The following MCPH1 variants were observed in gnomAD, a reference collection of about 807,000 sequenced individuals.
MCPH1 encodes the protein microcephalin 1.
Under a neutral mutation model 84.5 loss-of-function variants are expected in MCPH1, and 104 were observed. The observed-to-expected ratio is 1.23, with a 90% CI of 1.05 to 1.45. MCPH1 has a LOEUF of 1.45. MCPH1 is among the 40% of genes most tolerant of loss of function. The pLI is 0.00. For synonymous variants in MCPH1, 514 were observed against 366.8 expected (o/e 1.40, Z -4.58); for missense variants, 1,498 against 1,005.7 (o/e 1.49, Z -6.62).
At chr8:6,607,369 T>C (rs1180715601) in intron 12 of MCPH1, among the ~76,000 whole-genome samples, 1 of 152,212 alleles carries the variant, frequency 6.6e-6, no homozygotes, top group Non-Finnish European at 1.5e-5. Flanking sequence ...AAGTACAAAA[T>C]ACCCAAGTTT....
At chr8:6,489,043 G>T (rs1288243526) in intron 11 of MCPH1, among the ~76,000 whole-genome samples, 1 of 152,178 alleles carries the variant, frequency 6.6e-6, no homozygotes, top group Non-Finnish European at 1.5e-5. Flanking sequence ...GGTGCCATTT[G>T]CAGAGTTAGG....
intron 3 of MCPH1, among the ~76,000 whole-genome samples, chr8:6,422,871 G>C (rs1585655996): frequency 6.6e-6 from 1 of 151,872 alleles, no homozygotes; most frequent in African/African-American, 2.4e-5. Flanking sequence ...TGTGGTTTTA[G>C]TAGAGACGGG....
At chr8:6,626,878 T>A in intron 13 of MCPH1, 1 of 985,070 alleles carries the variant, frequency 1.0e-6, no homozygotes. Context: ...CTCATAGGCG[T>A]ATTTCCACTC....
intron 12 of MCPH1, among the ~76,000 whole-genome samples, chr8:6,530,082 TA>T (rs1278344417): frequency 6.6e-6 from 1 of 152,166 alleles, no homozygotes; most frequent in Admixed American, 6.5e-5. Context: ...AGAAATGTTG[TA>T]GTTTAAAAAT....
intron 12 of MCPH1, chr8:6,620,022 A>G (rs1831245752): frequency 6.6e-6 from 1 of 152,206 alleles, no homozygotes; most frequent in African/African-American, 2.4e-5. Flanking sequence ...GTGACTCACC[A>G]TTTGCCAAAG....
chr8:6,477,728 C>T, intron 10 of MCPH1, 97 bp downstream of exon 10: 2 of 898,554 alleles, frequency 2.2e-6, no homozygotes, highest in South Asian at 1.4e-5. Context: ...GTCAATCTGT[C>T]CTGTATCACT....
chr8:6,500,117 AT>A (rs1334171618), intron 12 of MCPH1, 188 bp downstream of exon 12: 5 of 606,194 alleles, frequency 8.2e-6, no homozygotes, highest in Admixed American at 5.2e-5. Context: ...ACGTGAGACC[AT>A]TGTGCAAAAA....
chr8:6,634,451 G>GTGTA (rs1797392780), intron 13 of MCPH1, among the ~76,000 whole-genome samples: 2 of 152,132 alleles, frequency 1.3e-5, no homozygotes, highest in African/African-American at 4.8e-5. Flanking sequence ...ACAGCTGACG[G>GTGTA]GACAGCCCCT....
intron 11 of MCPH1, among the ~76,000 whole-genome samples, chr8:6,491,507 G>T (rs1810583177): frequency 6.6e-6 from 1 of 150,588 alleles, no homozygotes. Flanking sequence ...TAAGTTCTAG[G>T]GTACATGTGC....
intron 12 of MCPH1, among the ~76,000 whole-genome samples, chr8:6,590,787 C>A (rs375336132): frequency 6.6e-6 from 1 of 152,170 alleles, no homozygotes; most frequent in Admixed American, 6.5e-5. Flanking sequence ...ATGAGAAAAT[C>A]GAGGCTGCCT....
intron 12 of MCPH1, chr8:6,502,948 A>T: frequency 1.2e-6 from 1 of 809,294 alleles, no homozygotes. Flanking sequence ...GATAAAGTTT[A>T]CAGGCTCTAA....
At chr8:6,423,126 A>C (rs1800484831) in intron 3 of MCPH1, among the ~76,000 whole-genome samples, 1 of 151,058 alleles carries the variant, frequency 6.6e-6, no homozygotes, top group Non-Finnish European at 1.5e-5. Context: ...TGGCAAAAGC[A>C]CACTTTTAAG....
intron 13 of MCPH1, among the ~76,000 whole-genome samples, chr8:6,637,224 G>C (rs921094691): frequency 3.9e-5 from 6 of 152,202 alleles, no homozygotes; most frequent in South Asian, 2.1e-4. Flanking sequence ...ACATTTAAGA[G>C]AGAAGACAGG....
intron 13 of MCPH1, chr8:6,625,932 C>A (rs1381986340): frequency 1.0e-6 from 1 of 984,336 alleles, no homozygotes; most frequent in Admixed American, 6.2e-5. Flanking sequence ...AGTTTCTTTT[C>A]TTTTCCTTTC....
chr8:6,542,126 A>T (rs1379693826), intron 12 of MCPH1, among the ~76,000 whole-genome samples: 1 of 152,164 alleles, frequency 6.6e-6, no homozygotes, highest in African/African-American at 2.4e-5. Context: ...CTTCCTTTTT[A>T]AATGAAACTA....
intron 9 of MCPH1, among the ~76,000 whole-genome samples, chr8:6,457,593 A>G (rs1805835825): frequency 1.3e-5 from 2 of 152,076 alleles, no homozygotes; most frequent in South Asian, 4.1e-4. Flanking sequence ...CGACAGAGTG[A>G]GACTCTGTCT....
At chr8:6,619,510 C>T (rs1345008507) in intron 12 of MCPH1, among the ~76,000 whole-genome samples, 1 of 151,976 alleles carries the variant, frequency 6.6e-6, no homozygotes. Flanking sequence ...AGACCGGTCT[C>T]GAACTCCTGA....
chr8:6,490,047 C>G (rs1344687262), intron 11 of MCPH1, among the ~76,000 whole-genome samples: 1 of 152,086 alleles, frequency 6.6e-6, no homozygotes, highest in South Asian at 2.1e-4. Context: ...TGAAGTAACA[C>G]AGGTCTTCAG....
intron 6 of MCPH1, among the ~76,000 whole-genome samples, chr8:6,439,442 G>A (rs988884742): frequency 2.0e-5 from 3 of 149,382 alleles, no homozygotes; most frequent in Non-Finnish European, 4.4e-5. Flanking sequence ...CCAGGCTGGA[G>A]TGCAGTGGCG....
Sources: allele counts gnomAD v4.1 joint callset (sites outside exome capture counted in the v4.1 genomes callset), GRCh38; gene constraint gnomAD v4.1.1; transcripts MANE v1.5; gene names NCBI Gene and HGNC (gene_info 2026-07-23, HGNC 2026-07-21).